Variants in SORCS3 observed in about 807,000 individuals in gnomAD.
SORCS3 encodes the protein sortilin related VPS10 domain containing receptor 3.
Under a neutral mutation model 146.3 loss-of-function variants are expected in SORCS3, and 57 were observed. The ratio of observed to expected loss-of-function variants is 0.39; its 90% CI spans 0.31 to 0.49. The LOEUF (loss-of-function observed/expected upper bound fraction) is 0.49, where lower values mean the gene tolerates loss of function less well. Ranked by LOEUF, SORCS3 falls within the 20% of genes least tolerant of loss-of-function variation. SORCS3 has a pLI of 0.92. For synonymous variants in SORCS3, 653 were observed against 618.5 expected, an observed-to-expected ratio of 1.06 and a Z score of -0.83; for missense variants, 1,341 against 1,575.5, an observed-to-expected ratio of 0.85 and a Z score of 2.52.
intron 1 of SORCS3, among the ~76,000 whole-genome samples, chr10:104,734,723 T>C (rs1184047965): frequency 2.6e-5 from 4 of 152,358 alleles, no homozygotes; most frequent in South Asian, 2.1e-4. Flanking sequence ...TGTTCTCTTT[T>C]AACGGGAGAG....
At chr10:104,852,416 G>A (rs1208267451) in intron 2 of SORCS3, among the ~76,000 whole-genome samples, 1 of 152,178 alleles carries the variant, frequency 6.6e-6, no homozygotes, top group Non-Finnish European at 1.5e-5. Context: ...GGGACTAGTA[G>A]TTTCCTTGGA....
At chr10:104,698,625 G>A (rs955367153) in intron 1 of SORCS3, among the ~76,000 whole-genome samples, 12 of 152,108 alleles carry the variant, frequency 7.9e-5, no homozygotes, top group African/African-American at 2.2e-4. Flanking sequence ...GAAGAAAGAC[G>A]GATGATGTCA....
intron 3 of SORCS3, among the ~76,000 whole-genome samples, chr10:104,947,991 A>G (rs1156937972): frequency 6.6e-6 from 1 of 152,198 alleles, no homozygotes; most frequent in African/African-American, 2.4e-5. Context: ...TGCCAGCACT[A>G]TTTTTGTCAT....
rs189463372 is a variant in SORCS3 at position 105,038,745 on chromosome 10, A to T, written c.955-4310A>T. Among the ~76,000 whole-genome samples, 199 of 152,292 alleles carry T rather than the reference A, an allele frequency of 1.3e-3. 1 individual carries two copies. Among genetic ancestry groups the T allele is most frequent in the African/African-American group, 4.5e-3 (187 of 41,580 alleles). On this transcript the variant is annotated intron_variant, in intron 4 of 26. Coordinates refer to ENST00000369701, the MANE Select transcript of SORCS3 (RefSeq NM_014978.3). ...GTTTTTGTAATACTTTAACATCGAT[A>T]TCAATAAATGCATGTTTTATAACAT...
chr10:105,075,483 G>C (rs1313966746), intron 5 of SORCS3, among the ~76,000 whole-genome samples: 2 of 152,144 alleles, frequency 1.3e-5, no homozygotes, highest in Non-Finnish European at 2.9e-5. Context: ...TCCCTGCTTA[G>C]GGGTAGGTGC....
At chr10:104,706,625 G>A (rs2133435447) in intron 1 of SORCS3, among the ~76,000 whole-genome samples, 1 of 152,290 alleles carries the variant, frequency 6.6e-6, no homozygotes, top group Middle Eastern at 3.4e-3. Context: ...AAGTCAGATG[G>A]TAAGGGGTGC....
chr10:104,933,319 T>A (rs2019227691), intron 3 of SORCS3, among the ~76,000 whole-genome samples: 1 of 151,880 alleles, frequency 6.6e-6, no homozygotes, highest in Non-Finnish European at 1.5e-5. Context: ...TTTTTTTTTT[T>A]TATAATGGAT....
intron 4 of SORCS3, among the ~76,000 whole-genome samples, chr10:105,041,285 G>A (rs905970459): frequency 4.0e-5 from 6 of 148,314 alleles, no homozygotes; most frequent in African/African-American, 1.2e-4. Context: ...GTGGGAAGAG[G>A]TCCTCTTCCC....
chr10:105,032,867 A>G (rs2055278797), intron 4 of SORCS3, among the ~76,000 whole-genome samples: 1 of 152,172 alleles, frequency 6.6e-6, no homozygotes, highest in Admixed American at 6.5e-5. Flanking sequence ...GTGAAACTAA[A>G]ACCCTTAGAG....
rs2056669727 is a variant in SORCS3, at chr10:105,217,059, G to T, written c.2671G>T (p.Val891Leu). ...HVYKSAGIFQ[V>L]TAYAENNLGS... ...GTATAAGAGTGCGGGGATCTTCCAG[G>T]TGACAGCCTATGCAGAGAACAACCT... The change falls in exon 19 of 27, where the codon GTG becomes TTG. Residue 891 changes from valine to leucine, a missense_variant. Coordinates refer to ENST00000369701, the MANE Select transcript of SORCS3 (RefSeq NM_014978.3). The T allele has an allele frequency of 3.7e-6, 6 of 1,614,072 alleles. No homozygotes were observed. Among genetic ancestry groups the T allele is most frequent in the African/African-American group, 1.3e-5 (1 of 74,936 alleles).
At chr10:104,734,565 C>T (rs1301120129) in intron 1 of SORCS3, among the ~76,000 whole-genome samples, 1 of 152,220 alleles carries the variant, frequency 6.6e-6, no homozygotes, top group Non-Finnish European at 1.5e-5. Flanking sequence ...CAGGACTTTG[C>T]ATGCTATTGT....
chr10:105,093,147 G>T (rs2055721968), intron 6 of SORCS3, among the ~76,000 whole-genome samples: 1 of 152,160 alleles, frequency 6.6e-6, no homozygotes, highest in Admixed American at 6.5e-5. Context: ...CACATTCGGT[G>T]TAGAAAGGAT....
At chr10:105,122,552 G>T (rs990500567) in intron 7 of SORCS3, among the ~76,000 whole-genome samples, 2 of 152,078 alleles carry the variant, frequency 1.3e-5, no homozygotes, top group Non-Finnish European at 2.9e-5. Context: ...TAATAATCTT[G>T]TATTGAGCAC....
rs2055814454 is a variant in SORCS3 at position 105,105,478 on chromosome 10, G to T, written c.1175G>T (p.Ser392Ile). ...SGPFARSIDI[S>I]SLVVQDEYIF... ...CCTTTTGCCCGCTCCATTGACATCA[G>T]TTCCCTGGTTGTCCAGGATGAATAT... is the stretch of plus-strand genomic sequence containing the variant. The change falls in exon 7 of 27, where the codon AGT becomes ATT. Residue 392 changes from serine to isoleucine, a missense_variant. Coordinates refer to ENST00000369701, the MANE Select transcript of SORCS3 (RefSeq NM_014978.3). 1.2e-6 allele frequency: 2 copies of T among 1,613,322 alleles called. No individual in the cohort carries two copies. The highest frequency in any genetic ancestry group is 3.3e-5 in the Admixed American group (2 of 59,988).
At chr10:104,724,549 T>C (rs2016598654) in intron 1 of SORCS3, among the ~76,000 whole-genome samples, 1 of 152,232 alleles carries the variant, frequency 6.6e-6, no homozygotes, top group Admixed American at 6.5e-5. Flanking sequence ...GAAGTTCTCC[T>C]GGATAATATC....
At chr10:104,842,491 G>A (rs939342745) in intron 1 of SORCS3, among the ~76,000 whole-genome samples, 19 of 152,162 alleles carry the variant, frequency 1.2e-4, no homozygotes, top group Admixed American at 2.0e-4. Flanking sequence ...ATCTGACCTC[G>A]AAGGAGGACA....
chr10:105,050,066 G>A (rs892783591), intron 5 of SORCS3, among the ~76,000 whole-genome samples: 1 of 150,942 alleles, frequency 6.6e-6, no homozygotes, highest in African/African-American at 2.4e-5. Flanking sequence ...CACACATTTT[G>A]AACATCTTAA....
intron 5 of SORCS3, among the ~76,000 whole-genome samples, chr10:105,052,591 T>G (rs1365846735): frequency 6.6e-6 from 1 of 152,134 alleles, no homozygotes; most frequent in East Asian, 1.9e-4. Flanking sequence ...AAAGAGACTT[T>G]GACTACTGCC....
chr10:104,714,286 CT>C (rs2016451979), intron 1 of SORCS3, among the ~76,000 whole-genome samples: 1 of 151,622 alleles, frequency 6.6e-6, no homozygotes, highest in African/African-American at 2.4e-5. Context: ...TTCTTTTTTT[CT>C]CACCTGCTTT....
Sources: allele counts gnomAD v4.1 joint callset (sites outside exome capture counted in the v4.1 genomes callset), GRCh38; gene constraint gnomAD v4.1.1; transcripts MANE v1.5; gene names NCBI Gene and HGNC (gene_info 2026-07-23, HGNC 2026-07-21).